RANBP2: variants seen among roughly 807,000 people sequenced by gnomAD.
The protein encoded by RANBP2 is RAN binding protein 2.
RANBP2 carries 57 observed loss-of-function variants against 303.6 expected under a neutral mutation model. The observed-to-expected ratio is 0.19, with a 90% CI of 0.15 to 0.23. RANBP2 has a LOEUF of 0.23. Ranked by LOEUF, RANBP2 falls within the 10% of genes least tolerant of loss-of-function variation. The pLI, the probability that RANBP2 is intolerant of heterozygous loss-of-function variation, is 1.00. For synonymous variants in RANBP2, 1,167 were observed against 1,301.5 expected, an observed-to-expected ratio of 0.90 and a Z score of 2.23; for missense variants, 3,138 against 3,780.8, an observed-to-expected ratio of 0.83 and a Z score of 4.46.
chr2:108,749,966 A>G (rs913036147), intron 9 of RANBP2, among the ~76,000 whole-genome samples: 5 of 152,132 alleles, frequency 3.3e-5, no homozygotes, highest in African/African-American at 7.2e-5. Flanking sequence ...CCTGGCCAAC[A>G]TGGTGAAACC....
the RANBP2 span, among the ~76,000 whole-genome samples, chr2:109,085,590 A>G: frequency 4.3e-5 from 6 of 140,646 alleles, no homozygotes; most frequent in East Asian, 1.0e-3. Context: ...GGCGTGAACC[A>G]CCACACCTGG....
At chr2:109,677,358 C>T in the RANBP2 span, among the ~76,000 whole-genome samples, 1,379 of 152,304 alleles carry the variant, frequency 9.1e-3, 9 homozygotes, top group Non-Finnish European at 0.016. Flanking sequence ...GGCTTGTGTT[C>T]TCAAGGTCGC....
At position 108,766,433 on chromosome 2, in the gene RANBP2, A is replaced by C; in HGVS notation, c.5894A>C (p.Asp1965Ala). 7 of 1,611,948 alleles carry C rather than the reference A, an allele frequency of 4.3e-6. No individual in the cohort carries two copies. Among genetic ancestry groups the C allele is most frequent in the Non-Finnish European group, 5.9e-6 (7 of 1,179,846 alleles). ...SGEGFQFGKK[D>A]PNFKGFSGAG... ...GAAGGATTTCAGTTTGGCAAAAAAG[A>C]CCCCAATTTCAAGGGATTTTCAGGT... Residue 1965 changes from aspartate (D) to alanine (A), a missense_variant, in exon 20 of 29, where the codon GAC (aspartate) becomes GCC (alanine). Transcript: ENST00000283195.
chr2:109,625,087 CAAA>C, the RANBP2 span, among the ~76,000 whole-genome samples: 201 of 60,086 alleles, frequency 3.3e-3, no homozygotes, highest in African/African-American at 9.2e-3. Flanking sequence ...ACAACAACAA[CAAA>C]AAAAAAAAAA....
At chr2:108,897,086 C>T in the RANBP2 span, 2 of 1,614,024 alleles carry the variant, frequency 1.2e-6, no homozygotes, top group African/African-American at 2.7e-5. Flanking sequence ...TCTGTCATGC[C>T]CCCAATCTCA....
rs747129006 is a variant in RANBP2, at chr2:108,729,218, A to G, written c.140+19A>G. On this transcript the variant is annotated intron_variant, in intron 2 of 28. Coordinates refer to ENST00000283195, the MANE Select transcript of RANBP2 (RefSeq NM_006267.5). ...CTAAAAAGTAAGTACAAACTGTAAC[A>G]TGTATTTTTTTTTTAAAATCAATGC... 1.7e-5 allele frequency: 26 copies of G among 1,562,578 alleles called. No individual in the cohort carries two copies. The highest frequency in any genetic ancestry group is 1.4e-4 in the East Asian group (6 of 44,212).
intron 1 of RANBP2, among the ~76,000 whole-genome samples, chr2:108,722,535 G>A (rs929171412): frequency 6.6e-6 from 1 of 151,446 alleles, no homozygotes; most frequent in Non-Finnish European, 1.5e-5. Flanking sequence ...GAGTTTTGGA[G>A]TGTGATGATG....
At chr2:108,844,469 T>G in the RANBP2 span, among the ~76,000 whole-genome samples, 1 of 152,220 alleles carries the variant, frequency 6.6e-6, no homozygotes, top group Non-Finnish European at 1.5e-5. Flanking sequence ...CGTATGCAGG[T>G]GTTCCTTTTG....
the RANBP2 span, among the ~76,000 whole-genome samples, chr2:109,571,966 A>C: frequency 1.3e-5 from 2 of 152,338 alleles, no homozygotes; most frequent in African/African-American, 2.4e-5. Context: ...CAATATGTAA[A>C]TATCATCAAT....
chr2:109,473,542 G>A, the RANBP2 span, among the ~76,000 whole-genome samples: 1 of 152,208 alleles, frequency 6.6e-6, no homozygotes, highest in South Asian at 2.1e-4. Context: ...CGACAGAGAG[G>A]AGAGAGAAAT....
the RANBP2 span, chr2:108,813,077 G>A: frequency 1.3e-3 from 720 of 559,604 alleles, 1 homozygote; most frequent in Admixed American, 3.0e-3. Context: ...GTGAAACCCC[G>A]TTTCTACTAA....
At chr2:109,319,542 G>A in the RANBP2 span, among the ~76,000 whole-genome samples, 4 of 152,236 alleles carry the variant, frequency 2.6e-5, no homozygotes, top group Non-Finnish European at 5.9e-5. Flanking sequence ...TTCTGAGTGA[G>A]AGGGGGCTCA....
chr2:109,389,280 A>C, the RANBP2 span, among the ~76,000 whole-genome samples: 1 of 152,212 alleles, frequency 6.6e-6, no homozygotes, highest in Non-Finnish European at 1.5e-5. Flanking sequence ...CTTGTGCATC[A>C]GGTTCACACC....
At chr2:108,782,031 C>CA (rs1313872587) in intron 26 of RANBP2, 97 bp from the exon 27 acceptor site, 1 of 1,379,854 alleles carries the variant, frequency 7.2e-7, no homozygotes, top group Admixed American at 2.1e-5. Flanking sequence ...TCTTTGTCAT[C>CA]ACAAAGAAAA....
At chr2:109,474,743 C>T in the RANBP2 span, among the ~76,000 whole-genome samples, 1 of 152,182 alleles carries the variant, frequency 6.6e-6, no homozygotes, top group African/African-American at 2.4e-5. Context: ...TGGGGCAGAG[C>T]CAGATGGATC....
At chr2:108,894,350 T>C in the RANBP2 span, 1 of 152,548 alleles carries the variant, frequency 6.6e-6, no homozygotes, top group South Asian at 2.1e-4. Context: ...CTGGTTGCAA[T>C]CCTACAGTCT....
chr2:108,726,629 A>AT (rs1168728696), intron 1 of RANBP2, among the ~76,000 whole-genome samples: 2 of 151,466 alleles, frequency 1.3e-5, no homozygotes, highest in Non-Finnish European at 1.5e-5. Context: ...TTTTATTATT[A>AT]TTATTTTTTT....
chr2:109,050,570 T>A, the RANBP2 span, among the ~76,000 whole-genome samples: 1,102 of 152,234 alleles, frequency 7.2e-3, 7 homozygotes, highest in East Asian at 0.034. Context: ...TACTTTTTAA[T>A]GCGATTACTA....
the RANBP2 span, among the ~76,000 whole-genome samples, chr2:109,701,452 G>T: frequency 5.9e-5 from 9 of 152,272 alleles, no homozygotes; most frequent in African/African-American, 1.9e-4. Context: ...CAGTGGTTTG[G>T]CCTGGTAAGT....
Sources: allele counts gnomAD v4.1 joint callset (sites outside exome capture counted in the v4.1 genomes callset), GRCh38; gene constraint gnomAD v4.1.1; transcripts MANE v1.5; gene names NCBI Gene and HGNC (gene_info 2026-07-23, HGNC 2026-07-21).